ATRNL1: variants seen among roughly 807,000 people sequenced by gnomAD.
ATRNL1 encodes the protein attractin like 1.
Under a neutral mutation model 182.7 loss-of-function variants are expected in ATRNL1, and 95 were observed. That is an observed-to-expected ratio of 0.52 (90% CI 0.44 to 0.62). ATRNL1 has a LOEUF of 0.62. Ranked by LOEUF, ATRNL1 falls within the 20% of genes least tolerant of loss-of-function variation. The probability of loss-of-function intolerance (pLI) is 0.00; values close to 1 mark genes in which losing one functional copy is unlikely to be tolerated. For missense variants in ATRNL1, 1,471 were observed against 1,679.5 expected (o/e 0.88, Z 2.17); for synonymous variants, 576 against 568.3 (o/e 1.01, Z -0.19).
chr10:115,606,822 T>G (rs2133955324), intron 26 of ATRNL1, among the ~76,000 whole-genome samples: 1 of 152,174 alleles, frequency 6.6e-6, no homozygotes, highest in South Asian at 2.1e-4. Context: ...TAAATCAGTT[T>G]ATTTTATATT....
At chr10:115,264,123 T>A (rs1268262313) in intron 10 of ATRNL1, among the ~76,000 whole-genome samples, 1 of 151,712 alleles carries the variant, frequency 6.6e-6, no homozygotes, top group Non-Finnish European at 1.5e-5. Flanking sequence ...AGGGTTCATG[T>A]GCACAACGTG....
chr10:115,403,955 A>G (rs1844703245), intron 20 of ATRNL1, among the ~76,000 whole-genome samples: 1 of 152,218 alleles, frequency 6.6e-6, no homozygotes, highest in African/African-American at 2.4e-5. Flanking sequence ...AAAAGCATAC[A>G]TCTGAAAATA....
intron 10 of ATRNL1, among the ~76,000 whole-genome samples, chr10:115,252,228 T>C (rs1850913164): frequency 6.6e-6 from 1 of 152,054 alleles, no homozygotes; most frequent in South Asian, 2.1e-4. Flanking sequence ...GGGGTTTCAC[T>C]ATGTTGGCCA....
intron 28 of ATRNL1, among the ~76,000 whole-genome samples, chr10:115,906,897 C>A (rs1304758800): frequency 1.5e-5 from 2 of 133,806 alleles, no homozygotes; most frequent in African/African-American, 8.0e-5. Flanking sequence ...TTCACTTAAT[C>A]TTTATAATCC....
In ATRNL1 at chr10:115,620,471, AT is replaced by A. The variant is rs1295625458; in HGVS notation, c.3795+70939del. Reference sequence around the variant, plus strand: ...GTTTTGCTTTTAAGCTGCTTATATAATTTTATGCCCTTAAACCATTTTAGAG... The same window carrying A: ...GTTTTGCTTTTAAGCTGCTTATATAATTTATGCCCTTAAACCATTTTAGAG... On this transcript the variant is annotated intron_variant, in intron 26 of 28. Transcript: ENST00000355044. 2.1e-3 allele frequency among the ~76,000 whole-genome samples: 316 copies of A among 152,294 alleles called. 1 individual carries two copies. The highest frequency in any genetic ancestry group is 7.1e-3 in the African/African-American group (296 of 41,560).
intron 26 of ATRNL1, among the ~76,000 whole-genome samples, chr10:115,571,363 A>G (rs1854382243): frequency 6.6e-6 from 1 of 152,166 alleles, no homozygotes; most frequent in South Asian, 2.1e-4. Flanking sequence ...ATTTGCTTCA[A>G]CTTACCGTTT....
intron 26 of ATRNL1, among the ~76,000 whole-genome samples, chr10:115,724,951 A>C (rs17093513): frequency 0.14 from 21,827 of 152,176 alleles, 2,093 homozygotes; most frequent in South Asian, 0.21. Context: ...TTAGTCTCCC[A>C]AAGGCAGAAA....
intron 27 of ATRNL1, among the ~76,000 whole-genome samples, chr10:115,831,744 T>C (rs1950565893): frequency 7.2e-6 from 1 of 139,118 alleles, no homozygotes. Context: ...CCACCTCACA[T>C]AGTAGCTGCA....
rs539857705 is a variant in ATRNL1, at chr10:115,826,767, G to A, written c.3904-21110G>A. On this transcript the variant is annotated intron_variant, in intron 27 of 28. Coordinates refer to ENST00000355044, the MANE Select transcript of ATRNL1 (RefSeq NM_207303.4). ...TTTTATGCATTTGGAATGAGGAAGC[G>A]CAGGCTGTAGGTAATCTTAGAAAAG... is the stretch of plus-strand genomic sequence containing the variant. Among the ~76,000 whole-genome samples, 52 of 152,232 alleles carry A rather than the reference G, an allele frequency of 3.4e-4. 1 individual carries two copies. In the South Asian group the frequency reaches 8.7e-3, roughly 26 times the overall value.
intron 27 of ATRNL1, among the ~76,000 whole-genome samples, chr10:115,799,040 T>A (rs1321437628): frequency 6.6e-6 from 1 of 152,094 alleles, no homozygotes; most frequent in African/African-American, 2.4e-5. Flanking sequence ...TTGGCCGGGC[T>A]GGTCTTGAAC....
chr10:115,469,132 T>C (rs1386858633), intron 23 of ATRNL1, 40 bp from the exon 24 acceptor site: 7 of 782,222 alleles, frequency 8.9e-6, no homozygotes, highest in Non-Finnish European at 1.3e-5. Flanking sequence ...TTCATAAAGA[T>C]ATTTCCTAAT....
chr10:115,640,746 C>T (rs1592993269), intron 26 of ATRNL1, among the ~76,000 whole-genome samples: 1 of 152,226 alleles, frequency 6.6e-6, no homozygotes, highest in East Asian at 1.9e-4. Flanking sequence ...ATGATAATTT[C>T]TTTTGCTGTG....
At chr10:115,554,324 A>T (rs1853183944) in intron 26 of ATRNL1, among the ~76,000 whole-genome samples, 1 of 151,640 alleles carries the variant, frequency 6.6e-6, no homozygotes, top group South Asian at 2.1e-4. Context: ...GGTCTTCCGC[A>T]TGCCTATTGC....
At chr10:115,836,274 G>A (rs76844489) in intron 27 of ATRNL1, among the ~76,000 whole-genome samples, 2,502 of 152,238 alleles carry the variant, frequency 0.016, 85 homozygotes, top group African/African-American at 0.058. Context: ...CTGAGGTATT[G>A]AGACTGGCCA....
At position 115,614,107 on chromosome 10, in the gene ATRNL1, G is replaced by T. The variant is rs139640723; in HGVS notation, c.3795+64571G>T. On this transcript the variant is annotated intron_variant, in intron 26 of 28. Coordinates refer to ENST00000355044, the MANE Select transcript of ATRNL1 (RefSeq NM_207303.4). ...TCTTGCTTTTTTAGTTCCTTGAGGT[G>T]CATCACTACATCATTTAATTAAAAT... Among the ~76,000 whole-genome samples the T allele has an allele frequency of 2.6e-3, 392 of 151,940 alleles. 1 individual carries two copies. Among genetic ancestry groups the T allele is most frequent in the African/African-American group, 9.1e-3 (378 of 41,488 alleles).
At chr10:115,235,007 C>T (rs1176656283) in intron 9 of ATRNL1, among the ~76,000 whole-genome samples, 1 of 152,066 alleles carries the variant, frequency 6.6e-6, no homozygotes, top group Non-Finnish European at 1.5e-5. Flanking sequence ...TTTCCTGATC[C>T]AGGATTACAT....
At chr10:115,260,024 G>T (rs1851329580) in intron 10 of ATRNL1, among the ~76,000 whole-genome samples, 1 of 151,696 alleles carries the variant, frequency 6.6e-6, no homozygotes, top group Non-Finnish European at 1.5e-5. Context: ...TGATGTCTTG[G>T]AGATAGTAAT....
chr10:115,097,325 A>C (rs891904011), intron 1 of ATRNL1, among the ~76,000 whole-genome samples: 2 of 152,104 alleles, frequency 1.3e-5, no homozygotes, highest in Non-Finnish European at 2.9e-5. Context: ...CTCTACAAAA[A>C]ATATTTTAAA....
chr10:115,165,167 A>G (rs1189528619), intron 6 of ATRNL1, among the ~76,000 whole-genome samples: 2 of 152,014 alleles, frequency 1.3e-5, no homozygotes, highest in Non-Finnish European at 2.9e-5. Context: ...TAAATACCTA[A>G]AACAAAATGG....
Sources: gnomAD v4.1 joint callset for allele counts (sites outside exome capture counted in the v4.1 genomes callset) on GRCh38, gnomAD v4.1.1 for gene constraint, MANE v1.5 for transcripts, NCBI Gene and HGNC (gene_info 2026-07-23, HGNC 2026-07-21) for gene names.